Variants in DGKD observed in about 807,000 individuals in gnomAD.
DGKD encodes DAG kinase delta.
A neutral mutation model predicts 154.4 loss-of-function variants in DGKD; 68 were observed. The observed-to-expected ratio is 0.44, with a 90% CI of 0.36 to 0.54. DGKD has a LOEUF of 0.54. Among genes scored for constraint, DGKD ranks in the 20% least tolerant of loss-of-function variants. The probability of loss-of-function intolerance (pLI) is 0.00; values close to 1 mark genes in which losing one functional copy is unlikely to be tolerated. For synonymous variants in DGKD, 693 were observed against 638.0 expected (o/e 1.09, Z -1.30); for missense variants, 1,343 against 1,593.6 (o/e 0.84, Z 2.68).
At position 233,388,025 on chromosome 2, in the gene DGKD, A is replaced by G. The variant is rs1703301419; in HGVS notation, c.157-232A>G. 5 of 879,338 alleles carry G rather than the reference A, an allele frequency of 5.7e-6. No individual in the cohort carries two copies. In the South Asian group the frequency reaches 1.1e-4, roughly 19 times the overall value. The allele number at this position is 879,338 out of a possible 1,614,324, so 54.5% of individuals were successfully genotyped here. Reference sequence around the variant, plus strand: ...CAGGGCACACCCTGGGCCTCTTGACACCCCCACCCACACAGGCACACATTG... The same window carrying G: ...CAGGGCACACCCTGGGCCTCTTGACGCCCCCACCCACACAGGCACACATTG... On this transcript the variant is annotated intron_variant, in intron 1 of 29. Coordinates refer to ENST00000264057, the MANE Select transcript of DGKD (RefSeq NM_152879.3).
Position 233,434,428 on chromosome 2 carries a change from G to T in DGKD, c.397G>T (p.Glu133Ter), listed in dbSNP as rs199985859. Residue 133 changes from glutamate to a stop codon, truncating the protein, a stop_gained, in exon 4 of 30, where the codon GAA becomes TAA. Coordinates refer to ENST00000264057, the MANE Select transcript of DGKD (RefSeq NM_152879.3). LOFTEE classifies it high-confidence loss of function. Reference protein sequence around the residue: ...KLILCADNRKEMEDWIAALKT... With the variant: ...KLILCADNRK Reference sequence around the variant, plus strand: ...CATCTTGTGTGCTGATAACAGAAAAGAAATGGAAGATTGGATTGCAGCATT... The same window carrying T: ...CATCTTGTGTGCTGATAACAGAAAATAAATGGAAGATTGGATTGCAGCATT... The T allele has an allele frequency of 6.2e-7, 1 of 1,614,166 alleles. No individual in the cohort carries two copies. The highest frequency in any genetic ancestry group is 8.5e-7 in the Non-Finnish European group (1 of 1,180,024).
In DGKD at chr2:233,354,548, G is replaced by C. The variant is rs1406154296; in HGVS notation, c.30G>C (p.Pro10=). 3.0e-6 allele frequency: 3 copies of C among 1,015,010 alleles called. No individual in the cohort carries two copies. Among genetic ancestry groups the C allele is most frequent in the South Asian group, 3.4e-5 (1 of 29,430 alleles). The allele number at this position is 1,015,010 out of a possible 1,614,324, so 62.9% of individuals were successfully genotyped here. A position where few individuals can be genotyped will look rare whatever the true frequency, so the allele number is the denominator to read the frequency against. Residue 10 remains proline, a synonymous_variant, in exon 1 of 30, where the codon CCG becomes CCC. Transcript: ENST00000264057. This position sits in a 1 kb window ranked among gnomAD's most constrained non-coding sequence, Gnocchi z 4.8. MAAAAGAPP[P]GPPQPPPPPP... ...CGGCGGCGGCGGGCGCCCCTCCGCC[G>C]GGTCCCCCGCAACCGCCTCCGCCGC...
In DGKD at chr2:233,434,940, C is replaced by G. The variant is rs1391888427; in HGVS notation, c.586+39C>G. On this transcript the variant is annotated intron_variant, in intron 5 of 29. Coordinates refer to ENST00000264057, the MANE Select transcript of DGKD (RefSeq NM_152879.3). ...TTTGTTATTCTGTCAGGAAAGGTGG[C>G]CTGGCATTTTACTTGATAAAGCCTT... is the stretch of plus-strand genomic sequence containing the variant. The G allele has an allele frequency of 6.3e-6, 10 of 1,586,088 alleles. 1 individual carries two copies. The highest frequency in any genetic ancestry group is 3.3e-4 in the Middle Eastern group (2 of 5,978).
At chr2:233,446,339 G>A (rs1256194430) in intron 11 of DGKD, among the ~76,000 whole-genome samples, 1 of 152,190 alleles carries the variant, frequency 6.6e-6, no homozygotes, top group African/African-American at 2.4e-5. Context: ...GTTTTGCAAT[G>A]CCCCCACCAT....
intron 3 of DGKD, chr2:233,419,509 A>T (rs1330201139): frequency 4.4e-6 from 4 of 913,918 alleles, no homozygotes; most frequent in Non-Finnish European, 5.2e-6. Flanking sequence ...AAGCGGAAGG[A>T]ATTGAGCTTC....
intron 3 of DGKD, among the ~76,000 whole-genome samples, chr2:233,406,175 C>G (rs1048518995): frequency 6.6e-6 from 1 of 152,116 alleles, no homozygotes; most frequent in Non-Finnish European, 1.5e-5. Flanking sequence ...GTGTCTTCTC[C>G]TCTGTTTTCT....
intron 3 of DGKD, among the ~76,000 whole-genome samples, chr2:233,398,842 T>G (rs948548625): frequency 6.6e-6 from 1 of 152,150 alleles, no homozygotes; most frequent in Non-Finnish European, 1.5e-5. Context: ...CAGGCTGGTC[T>G]TGAACTCCTG....
At position 233,388,404 on chromosome 2, in the gene DGKD, C is replaced by T. The variant is rs749012921; in HGVS notation, c.267+37C>T. Reference sequence around the variant, plus strand: ...TGCAGGAAAGCACACGCGAGGACATCACAGGAGCCGTCCCAGGGGAGGAAC... The same window carrying T: ...TGCAGGAAAGCACACGCGAGGACATTACAGGAGCCGTCCCAGGGGAGGAAC... On this transcript the variant is annotated intron_variant, in intron 2 of 29. Coordinates refer to ENST00000264057, the MANE Select transcript of DGKD (RefSeq NM_152879.3). 6 of 1,578,586 alleles carry T rather than the reference C, an allele frequency of 3.8e-6. No individual in the cohort carries two copies. In the East Asian group the frequency reaches 1.3e-4, roughly 35 times the overall value.
At chr2:233,370,822 G>A (rs1210669406) in intron 1 of DGKD, among the ~76,000 whole-genome samples, 1 of 151,862 alleles carries the variant, frequency 6.6e-6, no homozygotes, top group African/African-American at 2.4e-5. Flanking sequence ...TGCAGTCATG[G>A]CTCACTGCAG....
chr2:233,387,923 T>TA (rs971208924), intron 1 of DGKD, among the ~76,000 whole-genome samples: 2 of 152,154 alleles, frequency 1.3e-5, no homozygotes, highest in Admixed American at 1.3e-4. Flanking sequence ...TGGCCCCGCG[T>TA]CCCAGTGTCC....
At chr2:233,432,676 CAA>C (rs2062570129) in intron 3 of DGKD, among the ~76,000 whole-genome samples, 1 of 151,872 alleles carries the variant, frequency 6.6e-6, no homozygotes, top group African/African-American at 2.4e-5. Flanking sequence ...CAAAACAAAA[CAA>C]AACAAAAATT....
intron 1 of DGKD, among the ~76,000 whole-genome samples, chr2:233,384,368 T>C (rs1448703697): frequency 2.6e-5 from 4 of 152,186 alleles, no homozygotes; most frequent in African/African-American, 9.7e-5. Flanking sequence ...CCTTCCTTGG[T>C]ATTGGTGTCC....
chr2:233,432,595 T>C lies in DGKD; in HGVS notation c.349-1785T>C, dbSNP rs898740621. 3.3e-5 allele frequency among the ~76,000 whole-genome samples: 5 copies of C among 151,794 alleles called. No individual in the cohort carries two copies. The South Asian group carries it at 6.2e-4, about 19-fold the overall frequency. ...AATGGCATGAACCCAAGAGGCGGAG[T>C]TTGCAGTGAGCGGAGATTGCGCCAC... On this transcript the variant is annotated intron_variant, in intron 3 of 29. Coordinates refer to ENST00000264057, the MANE Select transcript of DGKD (RefSeq NM_152879.3).
chr2:233,468,600 C>G, intron 29 of DGKD, 47 bp downstream of exon 29: 1 of 1,608,550 alleles, frequency 6.2e-7, no homozygotes, highest in Non-Finnish European at 8.5e-7. Context: ...GGCTTGCACG[C>G]AGCTCCCTTC....
intron 10 of DGKD, among the ~76,000 whole-genome samples, chr2:233,444,701 G>A (rs761571694): frequency 3.4e-5 from 5 of 149,214 alleles, no homozygotes; most frequent in Non-Finnish European, 5.9e-5. Flanking sequence ...CTCCCCTACT[G>A]CCAAATGTCC....
chr2:233,394,925 C>CT (rs953253258), intron 3 of DGKD, among the ~76,000 whole-genome samples: 1 of 151,892 alleles, frequency 6.6e-6, no homozygotes, highest in Non-Finnish European at 1.5e-5. Context: ...TGGCTGGTCT[C>CT]TAACTTCTGG....
At chr2:233,370,362 C>T (rs1482237510) in intron 1 of DGKD, among the ~76,000 whole-genome samples, 7 of 152,008 alleles carry the variant, frequency 4.6e-5, no homozygotes, top group Non-Finnish European at 8.8e-5. Flanking sequence ...TACAGGTGCA[C>T]TCCACCATGC....
intron 3 of DGKD, among the ~76,000 whole-genome samples, chr2:233,414,853 A>G (rs2061920805): frequency 6.6e-6 from 1 of 152,150 alleles, no homozygotes; most frequent in Admixed American, 6.5e-5. Flanking sequence ...TTTCAGAGTG[A>G]GCAGTGAACC....
intron 12 of DGKD, 99 bp from the exon 13 acceptor site, chr2:233,447,988 G>C: frequency 6.3e-7 from 1 of 1,576,400 alleles, no homozygotes; most frequent in South Asian, 1.2e-5. Flanking sequence ...ATCTTTCCCA[G>C]CTTGTGCTGG....
Sources: allele counts gnomAD v4.1 joint callset (sites outside exome capture counted in the v4.1 genomes callset), GRCh38; gene constraint gnomAD v4.1.1; non-coding constraint Gnocchi (gnomAD v3.1); transcripts MANE v1.5; gene names NCBI Gene and HGNC (gene_info 2026-07-23, HGNC 2026-07-21).